The following STAC variants were observed in gnomAD, a reference collection of about 807,000 sequenced individuals.
The protein encoded by STAC is SH3 and cysteine-rich domain-containing protein.
A neutral mutation model predicts 48.8 loss-of-function variants in STAC; 43 were observed. The observed-to-expected ratio is 0.88, with a 90% CI of 0.69 to 1.14. The LOEUF (loss-of-function observed/expected upper bound fraction) is 1.14. Ranked by LOEUF, STAC falls within the 50% of genes most tolerant of loss-of-function variation. STAC has a pLI of 0.00. For synonymous variants in STAC, 193 were observed against 179.5 expected, an observed-to-expected ratio of 1.07 and a Z score of -0.60; for missense variants, 497 against 504.0, an observed-to-expected ratio of 0.99 and a Z score of 0.13.
intron 8 of STAC, among the ~76,000 whole-genome samples, chr3:36,508,199 G>T (rs2125715448): frequency 6.6e-6 from 1 of 152,256 alleles, no homozygotes; most frequent in Middle Eastern, 3.4e-3. Flanking sequence ...TTCAGGAGCA[G>T]GTTGTTCAGT....
At chr3:36,519,743 G>T (rs1698757495) in intron 8 of STAC, among the ~76,000 whole-genome samples, 1 of 152,080 alleles carries the variant, frequency 6.6e-6, no homozygotes, top group Non-Finnish European at 1.5e-5. Flanking sequence ...TTGAACACAT[G>T]TCAGAATTTT....
intron 2 of STAC, among the ~76,000 whole-genome samples, chr3:36,469,707 G>A (rs1697273301): frequency 6.6e-6 from 1 of 152,098 alleles, no homozygotes; most frequent in South Asian, 2.1e-4. Flanking sequence ...TCCCCGGGAA[G>A]CCCAATTACT....
intron 1 of STAC, among the ~76,000 whole-genome samples, chr3:36,405,548 G>A (rs987068201): frequency 6.6e-6 from 1 of 152,084 alleles, no homozygotes; most frequent in Non-Finnish European, 1.5e-5. Flanking sequence ...TCCATCCCCA[G>A]ATACACAACT....
intron 10 of STAC, among the ~76,000 whole-genome samples, chr3:36,532,376 A>ACAAGC (rs1432581529): frequency 2.0e-5 from 3 of 152,206 alleles, no homozygotes; most frequent in Non-Finnish European, 4.4e-5. Flanking sequence ...TGTAAATTGC[A>ACAAGC]CAAGCTCTCT....
chr3:36,429,713 C>T (rs1407063702), intron 1 of STAC, among the ~76,000 whole-genome samples: 6 of 152,166 alleles, frequency 3.9e-5, no homozygotes, highest in South Asian at 2.1e-4. Flanking sequence ...TATAACTCTA[C>T]CTTTGGTTTC....
Position 36,406,105 on chromosome 3 carries a change from T to C in STAC, c.111+25351T>C, listed in dbSNP as rs12631507. ...TATTAGCATGGTCCCAGTAGTGCTT[T>C]AAGACACAACTTTGATCAGGAAACC... On this transcript the variant is annotated intron_variant, in intron 1 of 10. Coordinates refer to ENST00000273183, the MANE Select transcript of STAC (RefSeq NM_003149.3). Among the ~76,000 whole-genome samples, 2,801 of 152,280 alleles carry C rather than the reference T, an allele frequency of 0.018. 154 individuals carry two copies. The East Asian group carries it at 0.22, about 12-fold the overall frequency.
At position 36,546,501 on chromosome 3, in the gene STAC, G is replaced by C. The variant is rs570562828; in HGVS notation, c.*212G>C. 8.8e-6 allele frequency: 5 copies of C among 570,448 alleles called. No homozygotes were observed. The highest frequency in any genetic ancestry group is 7.5e-5 in the African/African-American group (4 of 53,606). 35.3% of individuals were successfully genotyped at this position (570,448 alleles called of 1,614,324 possible). A position where few individuals can be genotyped will look rare whatever the true frequency, so the allele number is the denominator to read the frequency against. ...CCAGGCTGCCACAGGTGGGGACGAG[G>C]CTGAGAGAGTCAGCAGGCAGAGCCA... On this transcript the variant is annotated 3_prime_UTR_variant, in exon 11 of 11. Transcript: ENST00000273183.
chr3:36,460,051 T>G (rs1257859240), intron 2 of STAC, among the ~76,000 whole-genome samples: 1 of 152,052 alleles, frequency 6.6e-6, no homozygotes, highest in Non-Finnish European at 1.5e-5. Context: ...ACCTTGATCT[T>G]TATTATCTCT....
At position 36,500,956 on chromosome 3, in the gene STAC, G is replaced by T. The variant is rs142336205; in HGVS notation, c.767-3437G>T. On this transcript the variant is annotated intron_variant, in intron 6 of 10. Coordinates refer to ENST00000273183, the MANE Select transcript of STAC (RefSeq NM_003149.3). ...GAATTTAAGAAAATTAGCCGGGCAG[G>T]GTGGCATATGTCTATAGTCCAGCTA... 3.6e-3 allele frequency among the ~76,000 whole-genome samples: 544 copies of T among 152,152 alleles called. 3 individuals are homozygous for T. Among genetic ancestry groups the T allele is most frequent in the Middle Eastern group, 0.014 (4 of 294 alleles).
chr3:36,503,492 G>A (rs1029945382), intron 6 of STAC, among the ~76,000 whole-genome samples: 13 of 152,138 alleles, frequency 8.5e-5, no homozygotes, highest in African/African-American at 2.9e-4. Flanking sequence ...GTGCAGTGGT[G>A]TGATCTTACC....
intron 1 of STAC, among the ~76,000 whole-genome samples, chr3:36,398,347 G>GAAAGAAAGAAAAAAAA (rs1559476953): frequency 2.3e-5 from 3 of 130,940 alleles, no homozygotes; most frequent in Non-Finnish European, 5.0e-5. Flanking sequence ...AAGAAAGAAA[G>GAAAGAAAGAAAAAAAA]AAAGAAAGAA....
At chr3:36,395,060 T>C (rs1286159846) in intron 1 of STAC, among the ~76,000 whole-genome samples, 7 of 151,718 alleles carry the variant, frequency 4.6e-5, no homozygotes, top group Admixed American at 4.6e-4. Context: ...TATTTTATGA[T>C]CCAAGAAGCC....
chr3:36,421,061 C>T (rs1183586015), intron 1 of STAC, among the ~76,000 whole-genome samples: 1 of 152,104 alleles, frequency 6.6e-6, no homozygotes. Context: ...TCTAAGATTT[C>T]TTTCTTTGTA....
Position 36,447,649 on chromosome 3 carries a change from C to CA in STAC, c.388+4009_388+4010insA, listed in dbSNP as rs1553635638. Reference sequence around the variant, plus strand: ...GAAAAACTATATATATGTATACACACCACACACACACACACACACACACAC... The same window carrying CA: ...GAAAAACTATATATATGTATACACACACACACACACACACACACACACACAC... On this transcript the variant is annotated intron_variant, in intron 2 of 10. Coordinates refer to ENST00000273183, the MANE Select transcript of STAC (RefSeq NM_003149.3). 5.1e-4 allele frequency among the ~76,000 whole-genome samples: 75 copies of CA among 146,416 alleles called. 1 individual carries two copies. The highest frequency in any genetic ancestry group is 8.1e-4 in the Non-Finnish European group (54 of 66,298).
chr3:36,522,977 T>C (rs1698842165), intron 8 of STAC, among the ~76,000 whole-genome samples: 1 of 152,172 alleles, frequency 6.6e-6, no homozygotes. Flanking sequence ...TTCATACCCT[T>C]TGTGTACACT....
At chr3:36,533,527 T>G (rs923145224) in intron 10 of STAC, among the ~76,000 whole-genome samples, 1 of 139,548 alleles carries the variant, frequency 7.2e-6, no homozygotes, top group Non-Finnish European at 1.5e-5. Flanking sequence ...GCTTTCCCAT[T>G]TGAGGTCAAA....
intron 1 of STAC, among the ~76,000 whole-genome samples, chr3:36,393,089 C>T (rs182798307): frequency 2.0e-4 from 31 of 152,298 alleles, no homozygotes; most frequent in African/African-American, 7.5e-4. Context: ...CTAGAATCTC[C>T]CTTTCAAGCT....
intron 10 of STAC, among the ~76,000 whole-genome samples, chr3:36,534,341 T>C (rs918252816): frequency 6.6e-6 from 1 of 152,168 alleles, no homozygotes; most frequent in African/African-American, 2.4e-5. Context: ...CTGGCTACCG[T>C]TATCACTAAA....
intron 1 of STAC, among the ~76,000 whole-genome samples, chr3:36,397,770 C>G (rs1699883505): frequency 6.6e-6 from 1 of 152,102 alleles, no homozygotes; most frequent in Non-Finnish European, 1.5e-5. Context: ...CTTAGAATTT[C>G]AAGGATTTTA....
Sources: allele counts gnomAD v4.1 joint callset (sites outside exome capture counted in the v4.1 genomes callset), GRCh38; gene constraint gnomAD v4.1.1; transcripts MANE v1.5; gene names NCBI Gene and HGNC (gene_info 2026-07-23, HGNC 2026-07-21).